The following ZFC3H1 variants were observed in gnomAD, a reference collection of about 807,000 sequenced individuals.
The protein encoded by ZFC3H1 is zinc finger C3H1 domain-containing protein.
A neutral mutation model predicts 243.7 loss-of-function variants in ZFC3H1; 71 were observed. The ratio of observed to expected loss-of-function variants is 0.29; its 90% CI spans 0.24 to 0.36. The LOEUF (loss-of-function observed/expected upper bound fraction) is 0.36, where lower values mean the gene tolerates loss of function less well. ZFC3H1 is among the 10% of genes least tolerant of loss of function. The probability of loss-of-function intolerance (pLI) is 1.00; values close to 1 mark genes in which losing one functional copy is unlikely to be tolerated. For synonymous variants in ZFC3H1, 838 were observed against 813.0 expected, an observed-to-expected ratio of 1.03 and a Z score of -0.52; for missense variants, 1,966 against 2,317.1, an observed-to-expected ratio of 0.85 and a Z score of 3.11.
chr12:71,646,801 A>C (rs1880740791), intron 3 of ZFC3H1, among the ~76,000 whole-genome samples: 1 of 152,192 alleles, frequency 6.6e-6, no homozygotes, highest in African/African-American at 2.4e-5. Flanking sequence ...GAAAGAAACC[A>C]CTGATTCTGT....
chr12:71,659,459 T>C (rs560862164), intron 1 of ZFC3H1, among the ~76,000 whole-genome samples: 1 of 152,284 alleles, frequency 6.6e-6, no homozygotes, highest in Admixed American at 6.5e-5. Flanking sequence ...GTCACCTCTG[T>C]GAAGCCTGAG....
At chr12:71,632,648 G>A (rs936788007) in intron 14 of ZFC3H1, 134 bp from the exon 15 acceptor site, 41 of 1,287,426 alleles carry the variant, frequency 3.2e-5, no homozygotes, top group African/African-American at 4.5e-5. Flanking sequence ...ATAAAACAGA[G>A]TTTAACATAA....
chr12:71,642,631 G>C lies in ZFC3H1; in HGVS notation c.1504-72C>G, dbSNP rs564010641. ...GTTACAAATCACAAAAGAACTGATA[G>C]TTATCTTCTATGGAAGAGTATCAAA... is the stretch of plus-strand genomic sequence containing the variant. On this transcript the variant is annotated intron_variant, in intron 5 of 34. Transcript: ENST00000378743. The C allele has an allele frequency of 4.7e-6, 7 of 1,503,812 alleles. No homozygotes were observed. In the South Asian group the frequency reaches 9.4e-5, roughly 20 times the overall value. 93.2% of individuals were successfully genotyped at this position (1,503,812 alleles called of 1,614,324 possible). A position where few individuals can be genotyped will look rare whatever the true frequency, so the allele number is the denominator to read the frequency against.
rs148417855 is a variant in ZFC3H1, at chr12:71,640,357, G to A, written c.1628-1842C>T. Among the ~76,000 whole-genome samples the A allele has an allele frequency of 2.0e-5, 3 of 152,320 alleles. No homozygotes were observed. In the East Asian group the frequency reaches 5.8e-4, roughly 29 times the overall value. ...TTTTAACACAGGAAAGAAGCTGACA[G>A]AACTTGTGACTGGCTTACAGTGTGA... On this transcript the variant is annotated intron_variant, in intron 6 of 34. Coordinates refer to ENST00000378743, the MANE Select transcript of ZFC3H1 (RefSeq NM_144982.5).
chr12:71,633,495 G>A, intron 12 of ZFC3H1, 57 bp from the exon 13 acceptor site: 4 of 1,402,048 alleles, frequency 2.9e-6, no homozygotes, highest in East Asian at 5.2e-5. Context: ...CAGACTGTCA[G>A]AATAAAAAAA....
intron 1 of ZFC3H1, among the ~76,000 whole-genome samples, chr12:71,659,778 T>G (rs1881116879): frequency 6.6e-6 from 1 of 152,286 alleles, no homozygotes; most frequent in Admixed American, 6.5e-5. Context: ...AAGATACAAT[T>G]TCTAACTGAA....
intron 3 of ZFC3H1, 88 bp from the exon 4 acceptor site, chr12:71,645,163 T>C: frequency 8.3e-6 from 11 of 1,332,108 alleles, no homozygotes; most frequent in Non-Finnish European, 1.1e-5. Flanking sequence ...ATGATAAAAA[T>C]TTGAAGTGTG....
chr12:71,660,150 ATTCT>A (rs1308305324), intron 1 of ZFC3H1: 30 of 152,350 alleles, frequency 2.0e-4, no homozygotes, highest in African/African-American at 7.0e-4. Context: ...AGTAACCTGC[ATTCT>A]TTCTTTATAC....
Position 71,663,417 on chromosome 12 carries a change from C to A in ZFC3H1, c.194G>T (p.Gly65Val). Residue 65 changes from glycine (G) to valine (V), a missense_variant, in exon 1 of 35, where the codon GGA becomes GTA. By Grantham distance (109) the Gly-to-Val change is moderately radical. This residue lies in a region of ZFC3H1 where 484 missense variants were observed against 449.7 expected (regional missense o/e 1.08). Transcript: ENST00000378743. ...GGAAGAGCCACCGCCTCCGCCAGAT[C>A]CACCGCCCCGGGCCGAGTGAGGAGG... The part of the protein sequence containing the change: ...RRPPHSARGG[G>V]SGGGGGSSSS... 1.9e-6 allele frequency: 3 copies of A among 1,611,978 alleles called. No individual in the cohort carries two copies. Among genetic ancestry groups the A allele is most frequent in the South Asian group, 2.2e-5 (2 of 91,088 alleles).
At position 71,627,744 on chromosome 12, in the gene ZFC3H1, G is replaced by A. The variant is rs2137529840; in HGVS notation, c.4130+7C>T. ...ACTGTTTACACAAAGATTTGAAGTT[G>A]ACCTACCCCTCATTTTGATTCAAGT... On this transcript the variant is annotated splice_region_variant and intron_variant, in intron 21 of 34. Coordinates refer to ENST00000378743, the MANE Select transcript of ZFC3H1 (RefSeq NM_144982.5). 1 of 1,604,414 alleles carries A rather than the reference G, an allele frequency of 6.2e-7. No individual in the cohort carries two copies. The highest frequency in any genetic ancestry group is 2.2e-5 in the East Asian group (1 of 44,622).
At chr12:71,614,133 A>T (rs1013872991) in intron 30 of ZFC3H1, among the ~76,000 whole-genome samples, 1 of 152,188 alleles carries the variant, frequency 6.6e-6, no homozygotes, top group African/African-American at 2.4e-5. Flanking sequence ...GAGCAGCTAC[A>T]ATGTATAAGT....
At chr12:71,632,809 T>C in intron 14 of ZFC3H1, 77 bp downstream of exon 14, 1 of 1,550,500 alleles carries the variant, frequency 6.4e-7, no homozygotes, top group Non-Finnish European at 8.7e-7. Flanking sequence ...AGTTACTTTA[T>C]ATATACATCT....
chr12:71,656,549 C>T (rs1881023365), intron 2 of ZFC3H1: 1 of 657,410 alleles, frequency 1.5e-6, no homozygotes, highest in Non-Finnish European at 2.7e-6. Flanking sequence ...CCCTCCTTTA[C>T]CCGATAAGGG....
At chr12:71,648,870 A>C (rs1281899355) in intron 2 of ZFC3H1, among the ~76,000 whole-genome samples, 2 of 152,094 alleles carry the variant, frequency 1.3e-5, no homozygotes, top group African/African-American at 2.4e-5. Flanking sequence ...CGGGTGGATC[A>C]CCTGAGGTCA....
intron 18 of ZFC3H1, 66 bp downstream of exon 18, chr12:71,630,531 CTAA>C: frequency 6.5e-7 from 1 of 1,544,060 alleles, no homozygotes; most frequent in Non-Finnish European, 8.7e-7. Flanking sequence ...ATGTCAACAA[CTAA>C]TATAGAATTT....
At position 71,657,026 on chromosome 12, in the gene ZFC3H1, G is replaced by C; in HGVS notation, c.874C>G (p.Gln292Glu). 6.2e-7 allele frequency: 1 copy of C among 1,613,822 alleles called. No individual in the cohort carries two copies. The highest frequency in any genetic ancestry group is 1.3e-5 in the African/African-American group (1 of 75,024). ...TCAAATGCCTGAAAAGTTTTGACTT[G>C]TGTTTTCTCCTCAGGAGCTACTTCT... is the stretch of plus-strand genomic sequence containing the variant. ...SKEVAPEEKTQVKTFQAFELK... is the reference protein window; with the variant it reads ...SKEVAPEEKTEVKTFQAFELK... Residue 292 changes from glutamine to glutamate, a missense_variant, in exon 2 of 35, where the codon CAA (glutamine) becomes GAA (glutamate). Gln to Glu is a conservative substitution (Grantham distance 29, BLOSUM62 2). Transcript: ENST00000378743.
intron 1 of ZFC3H1, 63 bp from the exon 2 acceptor site, chr12:71,657,364 A>C: frequency 8.3e-7 from 1 of 1,207,456 alleles, no homozygotes; most frequent in Non-Finnish European, 1.1e-6. Flanking sequence ...TAACAAAAAA[A>C]CTTAGATTAT....
intron 24 of ZFC3H1, among the ~76,000 whole-genome samples, chr12:71,622,590 G>A (rs1488055614): frequency 1.3e-5 from 2 of 152,046 alleles, no homozygotes; most frequent in Admixed American, 1.3e-4. Context: ...AGCCTCCCGA[G>A]TAGCTGGGAA....
chr12:71,625,300 G>GA (rs1237976086), intron 22 of ZFC3H1, among the ~76,000 whole-genome samples: 4 of 152,178 alleles, frequency 2.6e-5, no homozygotes, highest in Non-Finnish European at 5.9e-5. Flanking sequence ...AAATTTATCT[G>GA]AAACTAATGG....
Sources: allele counts gnomAD v4.1 joint callset (sites outside exome capture counted in the v4.1 genomes callset), GRCh38; gene constraint gnomAD v4.1.1; regional missense constraint gnomAD v4.1.1; transcripts MANE v1.5; gene names NCBI Gene and HGNC (gene_info 2026-07-23, HGNC 2026-07-21).